Variants in NEK1 observed in about 807,000 individuals in gnomAD.
The protein encoded by NEK1 is NIMA related kinase 1.
In NEK1, 137 loss-of-function variants were observed where a neutral mutation model predicts 182.1. The observed-to-expected ratio is 0.75, with a 90% confidence interval of 0.65 to 0.87. The LOEUF is 0.87. Ranked by LOEUF, NEK1 falls within the 40% of genes least tolerant of loss-of-function variation. The probability of loss-of-function intolerance (pLI) is 0.00; values close to 1 mark genes in which losing one functional copy is unlikely to be tolerated. For missense variants in NEK1, 1,391 were observed against 1,494.4 expected, an observed-to-expected ratio of 0.93 and a Z score of 1.14; for synonymous variants, 513 against 492.2, an observed-to-expected ratio of 1.04 and a Z score of -0.56.
At chr4:169,531,205 G>A (rs971820178) in intron 19 of NEK1, among the ~76,000 whole-genome samples, 1 of 152,124 alleles carries the variant, frequency 6.6e-6, no homozygotes, top group Non-Finnish European at 1.5e-5. Flanking sequence ...ATGATCAAAT[G>A]TCACAGAGCG....
At chr4:169,519,660 AT>A (rs1267405405) in intron 19 of NEK1, among the ~76,000 whole-genome samples, 2 of 64,990 alleles carry the variant, frequency 3.1e-5, no homozygotes, top group Non-Finnish European at 6.0e-5. Flanking sequence ...GTTCCTTTCC[AT>A]GTTTAGCGCT....
intron 27 of NEK1, among the ~76,000 whole-genome samples, chr4:169,459,963 C>T (rs1395816859): frequency 1.3e-5 from 2 of 152,168 alleles, no homozygotes; most frequent in Non-Finnish European, 2.9e-5. Flanking sequence ...TAGCATTATA[C>T]ATTTGTCAAA....
chr4:169,485,207 T>C (rs1339286502), intron 23 of NEK1, among the ~76,000 whole-genome samples: 1 of 152,180 alleles, frequency 6.6e-6, no homozygotes, highest in African/African-American at 2.4e-5. Flanking sequence ...CTGAGTCAAC[T>C]AAACCAAACA....
At position 169,483,967 on chromosome 4, in the gene NEK1, A is replaced by C. The variant is rs140543670; in HGVS notation, c.2008-4433T>G. ...GAAAGATTATATCTAAATATTTTGA[A>C]ACTTTGTTTGTTTTAATTACTATAG... On this transcript the variant is annotated intron_variant, in intron 23 of 35. Transcript: ENST00000507142. 2.9e-3 allele frequency among the ~76,000 whole-genome samples: 442 copies of C among 152,260 alleles called. 3 individuals are homozygous for C. The highest frequency in any genetic ancestry group is 0.01 in the African/African-American group (422 of 41,554).
chr4:169,429,127 C>T (rs1166202134), intron 29 of NEK1, among the ~76,000 whole-genome samples: 1 of 152,030 alleles, frequency 6.6e-6, no homozygotes, highest in African/African-American at 2.4e-5. Context: ...ATATGGATTC[C>T]ACAGAACCCA....
rs373049711 is a variant in NEK1, at chr4:169,410,089, C to A, written c.3223-3342G>T. Among the ~76,000 whole-genome samples, 165 of 152,172 alleles carry A rather than the reference C, an allele frequency of 1.1e-3. 2 individuals carry two copies. In the South Asian group the frequency reaches 0.034, roughly 31 times the overall value. On this transcript the variant is annotated intron_variant, in intron 31 of 35. Coordinates refer to ENST00000507142, the MANE Select transcript of NEK1 (RefSeq NM_001199397.3). ...TTCTATAATTCTGATTCTACTATTT[C>A]TATGTTGTTTAAACAATATTCTATA...
chr4:169,606,373 G>A (rs1169106078), intron 2 of NEK1, among the ~76,000 whole-genome samples: 2 of 151,542 alleles, frequency 1.3e-5, no homozygotes, highest in African/African-American at 4.9e-5. Context: ...TACAGTTCTA[G>A]AAGCTGGCAA....
At chr4:169,544,599 G>GTTTTTTTTTTTTTTTTTTTT (rs139478702) in intron 18 of NEK1, among the ~76,000 whole-genome samples, 1 of 66,268 alleles carries the variant, frequency 1.5e-5, no homozygotes, top group Non-Finnish European at 2.8e-5. Flanking sequence ...TCTGGTCATG[G>GTTTTTTTTTTTTTTTTTTTT]TTTTTTTTTT....
At chr4:169,466,404 C>A (rs1468150079) in intron 26 of NEK1, among the ~76,000 whole-genome samples, 2 of 151,712 alleles carry the variant, frequency 1.3e-5, no homozygotes, top group South Asian at 2.1e-4. Context: ...AGGGAAAAAT[C>A]TGAAAAGGAG....
intron 27 of NEK1, among the ~76,000 whole-genome samples, chr4:169,448,337 C>T (rs562104140): frequency 4.6e-5 from 7 of 152,148 alleles, no homozygotes; most frequent in South Asian, 4.1e-4. Context: ...TTTTTATTTG[C>T]TTGTTTGGTA....
At chr4:169,604,197 C>A (rs1770963336) in intron 2 of NEK1, among the ~76,000 whole-genome samples, 1 of 152,070 alleles carries the variant, frequency 6.6e-6, no homozygotes, top group South Asian at 2.1e-4. Flanking sequence ...ATGTATTAAT[C>A]TTTTCTTTAT....
chr4:169,584,095 G>C (rs1239816256), intron 10 of NEK1, among the ~76,000 whole-genome samples: 3 of 152,056 alleles, frequency 2.0e-5, no homozygotes. Context: ...CCAATCTCAG[G>C]TGATCAAATT....
At position 169,484,027 on chromosome 4, in the gene NEK1, G is replaced by T. The variant is rs560848532; in HGVS notation, c.2008-4493C>A. Among the ~76,000 whole-genome samples, 7 of 152,138 alleles carry T rather than the reference G, an allele frequency of 4.6e-5. No individual in the cohort carries two copies. In the East Asian group the frequency reaches 1.3e-3, roughly 29 times the overall value. ...TCAAATAAGGTTTCATACACTGAGAGAATAAAAACAAGCTCCAAAGTTGTT... is the reference window on the plus strand; with the variant it reads ...TCAAATAAGGTTTCATACACTGAGATAATAAAAACAAGCTCCAAAGTTGTT... On this transcript the variant is annotated intron_variant, in intron 23 of 35. Transcript: ENST00000507142.
chr4:169,425,371 A>G (rs1736201477), intron 30 of NEK1, among the ~76,000 whole-genome samples: 1 of 151,788 alleles, frequency 6.6e-6, no homozygotes, highest in African/African-American at 2.4e-5. Flanking sequence ...GCAGTGAGTT[A>G]TCATCGCGCC....
At chr4:169,539,487 T>C (rs1396053609) in intron 18 of NEK1, among the ~76,000 whole-genome samples, 2 of 152,256 alleles carry the variant, frequency 1.3e-5, no homozygotes, top group South Asian at 2.1e-4. Flanking sequence ...AGTAGGACTG[T>C]ACCCTGTTCT....
intron 18 of NEK1, among the ~76,000 whole-genome samples, chr4:169,546,536 T>C (rs1243422204): frequency 6.6e-6 from 1 of 152,170 alleles, no homozygotes; most frequent in Non-Finnish European, 1.5e-5. Flanking sequence ...CTGGATATCC[T>C]TGTTAATTTT....
At chr4:169,403,523 T>A (rs557001348) in intron 32 of NEK1, among the ~76,000 whole-genome samples, 2 of 152,276 alleles carry the variant, frequency 1.3e-5, no homozygotes, top group South Asian at 4.1e-4. Flanking sequence ...TGAACTATGA[T>A]TGCAGCACTG....
At chr4:169,476,447 C>T (rs1746956082) in intron 26 of NEK1, among the ~76,000 whole-genome samples, 1 of 152,082 alleles carries the variant, frequency 6.6e-6, no homozygotes, top group African/African-American at 2.4e-5. Flanking sequence ...GAGTGTATTA[C>T]ATATGGTAGG....
At chr4:169,575,593 A>T (rs569388466) in intron 12 of NEK1, among the ~76,000 whole-genome samples, 1 of 152,264 alleles carries the variant, frequency 6.6e-6, no homozygotes, top group Non-Finnish European at 1.5e-5. Context: ...GCAGCACCAG[A>T]TAAGTTCCAC....
Sources: gnomAD v4.1 joint callset for allele counts (sites outside exome capture counted in the v4.1 genomes callset) on GRCh38, gnomAD v4.1.1 for gene constraint, MANE v1.5 for transcripts, NCBI Gene and HGNC (gene_info 2026-07-23, HGNC 2026-07-21) for gene names.